THRB: variants seen among roughly 807,000 people sequenced by gnomAD.
THRB encodes the protein nuclear receptor subfamily 1 group A member 2.
Under a neutral mutation model 47.8 loss-of-function variants are expected in THRB, and 12 were observed. The observed-to-expected ratio is 0.25, with a 90% CI of 0.16 to 0.41. The LOEUF (loss-of-function observed/expected upper bound fraction) is 0.41. Among genes scored for constraint, THRB ranks in the 10% least tolerant of loss-of-function variants. The probability of loss-of-function intolerance (pLI) is 1.00; values close to 1 mark genes in which losing one functional copy is unlikely to be tolerated. For missense variants in THRB, 348 were observed against 589.2 expected (o/e 0.59, Z 4.24); for synonymous variants, 218 against 212.2 (o/e 1.03, Z -0.24).
intron 3 of THRB, among the ~76,000 whole-genome samples, chr3:24,243,472 G>T (rs528991128): frequency 1.3e-5 from 2 of 151,992 alleles, no homozygotes; most frequent in South Asian, 2.1e-4. Flanking sequence ...GGCCTTTTGC[G>T]TCAGGATTTT....
rs931855580 is a variant in THRB at position 24,343,087 on chromosome 3, A to G, written c.-260-5716T>C. On this transcript the variant is annotated intron_variant, in intron 1 of 10. Coordinates refer to ENST00000646209, the MANE Select transcript of THRB (RefSeq NM_001354712.2). ...GATAATATAATACCTGTTGTGCATTAGGAATATTAGCCTGATAGAAATGTG... is the reference window on the plus strand; with the variant it reads ...GATAATATAATACCTGTTGTGCATTGGGAATATTAGCCTGATAGAAATGTG... Among the ~76,000 whole-genome samples, 119 of 152,220 alleles carry G rather than the reference A, an allele frequency of 7.8e-4. 2 individuals are homozygous for G. Among genetic ancestry groups the G allele is most frequent in the African/African-American group, 2.7e-3 (114 of 41,456 alleles).
intron 3 of THRB, among the ~76,000 whole-genome samples, chr3:24,257,763 A>T (rs896530615): frequency 6.6e-6 from 1 of 152,236 alleles, no homozygotes; most frequent in African/African-American, 2.4e-5. Flanking sequence ...AATGCATTCA[A>T]CACACAAACA....
chr3:24,302,622 TA>T (rs2057027900), intron 2 of THRB, among the ~76,000 whole-genome samples: 1 of 152,224 alleles, frequency 6.6e-6, no homozygotes, highest in South Asian at 2.1e-4. Flanking sequence ...CAACTTATTG[TA>T]AGTGAAGCCC....
intron 1 of THRB, among the ~76,000 whole-genome samples, chr3:24,367,200 T>G (rs1053667284): frequency 1.3e-5 from 2 of 152,066 alleles, no homozygotes; most frequent in Non-Finnish European, 2.9e-5. Context: ...CAATTAGAAG[T>G]AGGGACAGAG....
At chr3:24,494,315 A>G (rs1030568256) in intron 1 of THRB, 9 of 152,336 alleles carry the variant, frequency 5.9e-5, no homozygotes, top group African/African-American at 2.2e-4. Flanking sequence ...TTCACAAGGA[A>G]CATGTCAACA....
chr3:24,345,406 C>T (rs918729492), intron 1 of THRB, among the ~76,000 whole-genome samples: 2 of 152,052 alleles, frequency 1.3e-5, no homozygotes, highest in Non-Finnish European at 2.9e-5. Flanking sequence ...AGGTTATATA[C>T]AAGAACAAGC....
At chr3:24,215,912 T>C (rs1414272478) in intron 4 of THRB, among the ~76,000 whole-genome samples, 1 of 152,206 alleles carries the variant, frequency 6.6e-6, no homozygotes, top group African/African-American at 2.4e-5. Flanking sequence ...CCTGGGTCCA[T>C]AAATGACCTT....
intron 1 of THRB, among the ~76,000 whole-genome samples, chr3:24,479,369 C>T (rs1696019636): frequency 6.6e-6 from 1 of 152,208 alleles, no homozygotes; most frequent in Non-Finnish European, 1.5e-5. Flanking sequence ...GGCAGCCCCT[C>T]CGACCCCAAC....
At chr3:24,336,486 G>A (rs1312471439) in intron 2 of THRB, among the ~76,000 whole-genome samples, 2 of 152,172 alleles carry the variant, frequency 1.3e-5, no homozygotes, top group Non-Finnish European at 2.9e-5. Flanking sequence ...ACACAGAAAG[G>A]AAAGTTCTGA....
rs1008709491 is a variant in THRB at position 24,118,992 on chromosome 3, T to G, written c.*3892A>C. 2 of 148,912 alleles carry G rather than the reference T, an allele frequency of 1.3e-5. No individual in the cohort carries two copies. Among genetic ancestry groups the G allele is most frequent in the African/African-American group, 4.9e-5 (2 of 40,540 alleles). 9.2% of individuals were successfully genotyped at this position (148,912 alleles called of 1,614,324 possible). A position where few individuals can be genotyped will look rare whatever the true frequency, so the allele number is the denominator to read the frequency against. ...AGTCTGGTTTTTTTTTTTTTTTTTT[T>G]TTTTTTTTTTTGAGTGTGTTTTTAA... On this transcript the variant is annotated 3_prime_UTR_variant, in exon 11 of 11. Transcript: ENST00000646209.
Position 24,190,190 on chromosome 3 carries a change from G to A in THRB, c.167C>T (p.Pro56Leu). 6.2e-7 allele frequency: 1 copy of A among 1,614,112 alleles called. No homozygotes were observed. Among genetic ancestry groups the A allele is most frequent in the East Asian group, 2.2e-5 (1 of 44,880 alleles). The change falls in exon 5 of 11, where the codon CCA (proline) becomes CTA (leucine). Residue 56 changes from proline to leucine, a missense_variant. By Grantham distance (98) the Pro-to-Leu change is moderately conservative. This residue lies in a region of THRB where 148 missense variants were observed against 122.3 expected (regional missense o/e 1.21). Coordinates refer to ENST00000646209, the MANE Select transcript of THRB (RefSeq NM_001354712.2). ...AGTCCAAGTGGTCTGGATGAGATGT[G>A]GCGACGACTGTTCATTTTTCAACGT... ...RSTLKNEQSS[P>L]HLIQTTWTSS...
intron 3 of THRB, among the ~76,000 whole-genome samples, chr3:24,257,768 C>A (rs2051456866): frequency 6.6e-6 from 1 of 152,200 alleles, no homozygotes; most frequent in African/African-American, 2.4e-5. Flanking sequence ...ATTCAACACA[C>A]AAACAAAACA....
intron 1 of THRB, among the ~76,000 whole-genome samples, chr3:24,375,306 A>G (rs969694199): frequency 2.0e-5 from 3 of 147,460 alleles, no homozygotes; most frequent in Non-Finnish European, 4.5e-5. Context: ...GAAATATAAT[A>G]TTAATATATT....
chr3:24,413,855 T>C (rs1156722903), intron 1 of THRB, among the ~76,000 whole-genome samples: 2 of 151,926 alleles, frequency 1.3e-5, no homozygotes, highest in South Asian at 4.1e-4. Flanking sequence ...TGAGTTCATA[T>C]CCTTTGTATG....
chr3:24,462,846 T>C (rs2073818358), intron 1 of THRB, among the ~76,000 whole-genome samples: 1 of 152,150 alleles, frequency 6.6e-6, no homozygotes, highest in Non-Finnish European at 1.5e-5. Flanking sequence ...ACCCAGTTTC[T>C]CAGGCTACCA....
chr3:24,330,186 A>G (rs1359508184), intron 2 of THRB, among the ~76,000 whole-genome samples: 5 of 152,042 alleles, frequency 3.3e-5, no homozygotes, highest in Admixed American at 1.3e-4. Flanking sequence ...GGGCGCCTGT[A>G]GTCCCAGCTA....
intron 3 of THRB, among the ~76,000 whole-genome samples, chr3:24,251,875 C>T (rs1559737862): frequency 6.6e-6 from 1 of 151,912 alleles, no homozygotes; most frequent in Non-Finnish European, 1.5e-5. Context: ...GAAATTTGCC[C>T]AGATGACTTA....
chr3:24,285,953 AG>A (rs1388785377), intron 3 of THRB, among the ~76,000 whole-genome samples: 1 of 152,136 alleles, frequency 6.6e-6, no homozygotes, highest in African/African-American at 2.4e-5. Context: ...TCTGGGCGGT[AG>A]TTGGGTTAGA....
intron 1 of THRB, among the ~76,000 whole-genome samples, chr3:24,402,161 G>A (rs942868251): frequency 3.9e-5 from 6 of 152,038 alleles, no homozygotes; most frequent in Non-Finnish European, 8.8e-5. Flanking sequence ...AGCTTTGGCC[G>A]ACACAAGGAG....
Sources: allele counts gnomAD v4.1 joint callset (sites outside exome capture counted in the v4.1 genomes callset), GRCh38; gene constraint gnomAD v4.1.1; regional missense constraint gnomAD v4.1.1; transcripts MANE v1.5; gene names NCBI Gene and HGNC (gene_info 2026-07-23, HGNC 2026-07-21).